GPHN: variants seen among roughly 807,000 people sequenced by gnomAD.
GPHN encodes the protein gephyrin.
In GPHN, 17 loss-of-function variants were observed where a neutral mutation model predicts 95.5. The ratio of observed to expected loss-of-function variants is 0.18; its 90% CI spans 0.12 to 0.27. The LOEUF is 0.27. Among genes scored for constraint, GPHN ranks in the 10% least tolerant of loss-of-function variants. The pLI, the probability that GPHN is intolerant of heterozygous loss-of-function variation, is 1.00. For synonymous variants in GPHN, 320 were observed against 322.5 expected, an observed-to-expected ratio of 0.99 and a Z score of 0.08; for missense variants, 660 against 978.1, an observed-to-expected ratio of 0.67 and a Z score of 4.34.
chr14:67,629,265 G>A, the GPHN span, among the ~76,000 whole-genome samples: 2 of 152,194 alleles, frequency 1.3e-5, no homozygotes, highest in Admixed American at 1.3e-4. Flanking sequence ...GAGCCCAGGA[G>A]GTTGAGGCTG....
chr14:67,036,364 G>C (rs576393501), intron 10 of GPHN, among the ~76,000 whole-genome samples: 2 of 151,056 alleles, frequency 1.3e-5, no homozygotes, highest in Non-Finnish European at 3.0e-5. Flanking sequence ...AATACTGGAA[G>C]TTCTAATCAA....
chr14:67,503,224 G>C, the GPHN span, among the ~76,000 whole-genome samples: 1 of 152,184 alleles, frequency 6.6e-6, no homozygotes, highest in Non-Finnish European at 1.5e-5. Context: ...AAGTGGTTTT[G>C]GTTAAACAAA....
chr14:67,625,104 T>G, the GPHN span, among the ~76,000 whole-genome samples: 12 of 151,550 alleles, frequency 7.9e-5, no homozygotes, highest in African/African-American at 2.4e-4. Context: ...CACAAGTCAG[T>G]AAGGAAAGAA....
chr14:67,688,531 G>C, the GPHN span, among the ~76,000 whole-genome samples: 19,498 of 152,106 alleles, frequency 0.13, 1,308 homozygotes, highest in East Asian at 0.21. Flanking sequence ...GAAGAGCAGG[G>C]GGAAGAGGGG....
the GPHN span, chr14:67,619,920 A>G: frequency 1.7e-6 from 2 of 1,188,246 alleles, no homozygotes; most frequent in African/African-American, 1.6e-5. Context: ...GGTGGCGCTC[A>G]CTCCCGGCTT....
intron 9 of GPHN, among the ~76,000 whole-genome samples, chr14:66,993,943 T>C (rs2071601588): frequency 6.6e-6 from 1 of 152,160 alleles, no homozygotes; most frequent in Non-Finnish European, 1.5e-5. Context: ...ACTACAATAA[T>C]GATGAAGATA....
At chr14:67,661,952 C>T in the GPHN span, among the ~76,000 whole-genome samples, 3 of 151,842 alleles carry the variant, frequency 2.0e-5, no homozygotes, top group Admixed American at 6.6e-5. Context: ...GTCAGGAGAT[C>T]GAGACCATCC....
At chr14:67,344,502 A>G in the GPHN span, among the ~76,000 whole-genome samples, 1 of 152,238 alleles carries the variant, frequency 6.6e-6, no homozygotes, top group Non-Finnish European at 1.5e-5. Context: ...CACATAGGGG[A>G]AAAAATGGTC....
the GPHN span, among the ~76,000 whole-genome samples, chr14:67,389,490 AATTCTTTT>A: frequency 6.6e-6 from 1 of 152,132 alleles, no homozygotes; most frequent in Non-Finnish European, 1.5e-5. Flanking sequence ...GAGATTTGGC[AATTCTTTT>A]ATTTCCTTTG....
chr14:66,853,500 A>G (rs2062679899), intron 4 of GPHN, among the ~76,000 whole-genome samples: 1 of 152,230 alleles, frequency 6.6e-6, no homozygotes, highest in African/African-American at 2.4e-5. Context: ...AGACCTCACA[A>G]TGATGGCTGA....
chr14:67,351,323 G>C, the GPHN span, among the ~76,000 whole-genome samples: 2 of 151,834 alleles, frequency 1.3e-5, no homozygotes, highest in African/African-American at 4.8e-5. Flanking sequence ...ACATCATACT[G>C]CCCCCAAAAT....
chr14:66,945,674 T>C (rs1404185582), intron 8 of GPHN, among the ~76,000 whole-genome samples: 2 of 152,164 alleles, frequency 1.3e-5, no homozygotes, highest in Non-Finnish European at 2.9e-5. Context: ...AAGATTCGAA[T>C]AGACATTTCT....
chr14:66,902,549 C>T (rs895018225), intron 5 of GPHN, among the ~76,000 whole-genome samples: 1 of 151,922 alleles, frequency 6.6e-6, no homozygotes, highest in South Asian at 2.1e-4. Flanking sequence ...CTTCTATACT[C>T]AGTTTGAATG....
At chr14:67,559,753 G>T in the GPHN span, 4 of 1,076,362 alleles carry the variant, frequency 3.7e-6, no homozygotes, top group Non-Finnish European at 5.6e-6. Context: ...CCTGACCCCC[G>T]GAGTTTCCTG....
At chr14:66,583,773 G>A (rs2061303406) in intron 1 of GPHN, among the ~76,000 whole-genome samples, 1 of 152,180 alleles carries the variant, frequency 6.6e-6, no homozygotes, top group Non-Finnish European at 1.5e-5. Flanking sequence ...GTACCATGCT[G>A]TTTTGGTTAC....
At chr14:67,400,715 C>T in the GPHN span, among the ~76,000 whole-genome samples, 2 of 151,708 alleles carry the variant, frequency 1.3e-5, no homozygotes, top group Admixed American at 6.6e-5. Flanking sequence ...GGGCTGAGCT[C>T]GGTGGTTCAC....
chr14:66,941,105 G>C (rs1285804117), intron 8 of GPHN, among the ~76,000 whole-genome samples: 1 of 151,492 alleles, frequency 6.6e-6, no homozygotes, highest in Non-Finnish European at 1.5e-5. Flanking sequence ...TGTCCCTTTT[G>C]TTCTTTCTGA....
chr14:67,522,891 A>G, the GPHN span, among the ~76,000 whole-genome samples: 27 of 152,326 alleles, frequency 1.8e-4, no homozygotes, highest in Non-Finnish European at 1.0e-4. Context: ...AGAAGCCCAA[A>G]GGGTTGATGA....
intron 9 of GPHN, among the ~76,000 whole-genome samples, chr14:67,023,227 G>A (rs1157012855): frequency 6.6e-6 from 1 of 151,716 alleles, no homozygotes; most frequent in Non-Finnish European, 1.5e-5. Context: ...TACTATAATG[G>A]AATACTTAGT....
Sources: allele counts gnomAD v4.1 joint callset (sites outside exome capture counted in the v4.1 genomes callset), GRCh38; gene constraint gnomAD v4.1.1; transcripts MANE v1.5; gene names NCBI Gene and HGNC (gene_info 2026-07-23, HGNC 2026-07-21).